Variants in USP25 observed in about 807,000 individuals in gnomAD.
The protein encoded by USP25 is ubiquitin carboxyl-terminal hydrolase 25.
A neutral mutation model predicts 158.5 loss-of-function variants in USP25; 85 were observed. The observed-to-expected ratio is 0.54, with a 90% confidence interval of 0.45 to 0.64. The LOEUF is 0.64. USP25 is among the 30% of genes least tolerant of loss of function. USP25 has a pLI of 0.00. For missense variants in USP25, 1,242 were observed against 1,327.3 expected (o/e 0.94, Z 1.00); for synonymous variants, 464 against 460.4 (o/e 1.01, Z -0.10).
At chr21:15,878,025 T>G in intron 25 of USP25, 34 bp downstream of exon 25, 2 of 1,530,580 alleles carry the variant, frequency 1.3e-6, no homozygotes, top group Admixed American at 2.1e-5. Context: ...GCACCTGAGA[T>G]GTCCGGATTA....
At chr21:15,804,859 A>T (rs912672312) in intron 6 of USP25, among the ~76,000 whole-genome samples, 19 of 152,212 alleles carry the variant, frequency 1.2e-4, no homozygotes, top group Middle Eastern at 3.4e-3. Context: ...CTGAGTAATG[A>T]CATGATTTGC....
At chr21:15,860,191 T>G (rs1475125730) in intron 20 of USP25, among the ~76,000 whole-genome samples, 1 of 151,982 alleles carries the variant, frequency 6.6e-6, no homozygotes, top group Non-Finnish European at 1.5e-5. Context: ...CTCACACTGT[T>G]TCCCAGGCTG....
At chr21:15,781,682 C>T (rs1187558479) in intron 4 of USP25, among the ~76,000 whole-genome samples, 2 of 152,082 alleles carry the variant, frequency 1.3e-5, no homozygotes, top group East Asian at 1.9e-4. Context: ...CATACTGTCT[C>T]CCCTGCGAGG....
intron 5 of USP25, among the ~76,000 whole-genome samples, 188 bp downstream of exon 5, chr21:15,791,852 G>A (rs1214146904): frequency 6.6e-6 from 1 of 151,690 alleles, no homozygotes; most frequent in Non-Finnish European, 1.5e-5. Flanking sequence ...TTTCTAGTAT[G>A]TATTTTTTAA....
chr21:15,776,657 G>C (rs1419318265), intron 3 of USP25, among the ~76,000 whole-genome samples: 1 of 151,536 alleles, frequency 6.6e-6, no homozygotes, highest in African/African-American at 2.4e-5. Flanking sequence ...ACCTGGGCAA[G>C]ACGCAAAACC....
chr21:15,793,000 A>T (rs571550341), intron 5 of USP25, among the ~76,000 whole-genome samples: 1 of 151,756 alleles, frequency 6.6e-6, no homozygotes, highest in South Asian at 2.1e-4. Context: ...TCATCTTAAT[A>T]GGCTATCTCA....
In USP25 at chr21:15,824,888, C is replaced by T. The variant is rs537251028; in HGVS notation, c.1209-78C>T. ...GCCTTGGCGTCCCAGAGTGGTAGGC[C>T]GGGTACGCTGGCATCTGGCCATATT... On this transcript the variant is annotated intron_variant, in intron 11 of 25. Coordinates refer to ENST00000400183, the MANE Select transcript of USP25 (RefSeq NM_001283041.3). The T allele has an allele frequency of 1.5e-4, 180 of 1,181,756 alleles. No individual in the cohort carries two copies. In the African/African-American group the frequency reaches 2.1e-3, roughly 14 times the overall value. 73.2% of individuals were successfully genotyped at this position (1,181,756 alleles called of 1,614,324 possible).
intron 3 of USP25, among the ~76,000 whole-genome samples, chr21:15,768,202 A>G (rs1395457927): frequency 6.6e-6 from 1 of 152,092 alleles, no homozygotes; most frequent in Non-Finnish European, 1.5e-5. Context: ...CTTTATCCAT[A>G]AAACACATAA....
intron 17 of USP25, 31 bp from the exon 18 acceptor site, chr21:15,842,367 T>A: frequency 6.2e-7 from 1 of 1,605,954 alleles, no homozygotes; most frequent in Non-Finnish European, 8.5e-7. Context: ...TGGTTTATAT[T>A]AGATATATAA....
At chr21:15,747,206 A>T (rs991390537) in intron 1 of USP25, among the ~76,000 whole-genome samples, 6 of 151,946 alleles carry the variant, frequency 3.9e-5, no homozygotes, top group Admixed American at 3.9e-4. Flanking sequence ...TTTTCTATTT[A>T]CAATAGTCCA....
chr21:15,863,655 A>G (rs1433016288), intron 20 of USP25, among the ~76,000 whole-genome samples: 5 of 152,208 alleles, frequency 3.3e-5, no homozygotes, highest in African/African-American at 4.8e-5. Flanking sequence ...GATAAATTTT[A>G]CAGAATTACT....
intron 17 of USP25, among the ~76,000 whole-genome samples, 164 bp from the exon 18 acceptor site, chr21:15,842,234 A>C (rs1304057675): frequency 6.6e-6 from 1 of 151,920 alleles, no homozygotes; most frequent in Non-Finnish European, 1.5e-5. Flanking sequence ...TTTTTTAATA[A>C]ATTCTGGGAA....
intron 3 of USP25, among the ~76,000 whole-genome samples, chr21:15,769,602 C>T (rs1185323660): frequency 6.6e-6 from 1 of 151,962 alleles, no homozygotes. Flanking sequence ...GGACACGATA[C>T]CCGGTATTGA....
rs2037674329 is a variant in USP25 at position 15,829,132 on chromosome 21, A to T, written c.1694-1399A>T. ...ATTTCCTAAATAGTGCTGGTCTTCG[A>T]TATACATATTTATACACTTCTGTAA... On this transcript the variant is annotated intron_variant, in intron 14 of 25. Coordinates refer to ENST00000400183, the MANE Select transcript of USP25 (RefSeq NM_001283041.3). Among the ~76,000 whole-genome samples the T allele has an allele frequency of 2.0e-5, 3 of 152,242 alleles. No individual in the cohort carries two copies. In the South Asian group the frequency reaches 6.2e-4, roughly 32 times the overall value.
chr21:15,770,999 A>G (rs780438152), intron 3 of USP25, among the ~76,000 whole-genome samples: 2 of 152,206 alleles, frequency 1.3e-5, no homozygotes, highest in Non-Finnish European at 2.9e-5. Context: ...TTTTGAATAT[A>G]TAAAAGATAT....
intron 22 of USP25, among the ~76,000 whole-genome samples, chr21:15,867,534 G>T (rs562066644): frequency 6.6e-6 from 1 of 152,110 alleles, no homozygotes; most frequent in East Asian, 1.9e-4. Flanking sequence ...GTTGTCAAAA[G>T]CAAGGCAATG....
intron 3 of USP25, among the ~76,000 whole-genome samples, chr21:15,768,245 T>G (rs2034154495): frequency 6.6e-6 from 1 of 152,084 alleles, no homozygotes; most frequent in African/African-American, 2.4e-5. Flanking sequence ...TTCCCTCTAA[T>G]CAGGGTGCCA....
At chr21:15,741,727 T>C (rs2032076012) in intron 1 of USP25, among the ~76,000 whole-genome samples, 1 of 152,170 alleles carries the variant, frequency 6.6e-6, no homozygotes, top group South Asian at 2.1e-4. Flanking sequence ...AGTCTTAAAA[T>C]GGCAAAAATG....
intron 1 of USP25, among the ~76,000 whole-genome samples, chr21:15,749,929 T>TTA (rs1405392456): frequency 6.6e-6 from 1 of 152,214 alleles, no homozygotes; most frequent in Non-Finnish European, 1.5e-5. Context: ...GTTCCTGGCA[T>TTA]GGAGCCCCTA....
Sources: allele counts gnomAD v4.1 joint callset (sites outside exome capture counted in the v4.1 genomes callset), GRCh38; gene constraint gnomAD v4.1.1; transcripts MANE v1.5; gene names NCBI Gene and HGNC (gene_info 2026-07-23, HGNC 2026-07-21).